ANXA4: variants seen among roughly 807,000 people sequenced by gnomAD.
The protein encoded by ANXA4 is 35-beta calcimedin.
Under a neutral mutation model 49.8 loss-of-function variants are expected in ANXA4, and 39 were observed. The ratio of observed to expected loss-of-function variants is 0.78; its 90% CI spans 0.61 to 1.02. The LOEUF is 1.02. ANXA4 is among the 50% of genes least tolerant of loss of function. The probability of loss-of-function intolerance (pLI) is 0.00; values close to 1 mark genes in which losing one functional copy is unlikely to be tolerated. For synonymous variants in ANXA4, 134 were observed against 152.5 expected, an observed-to-expected ratio of 0.88 and a Z score of 0.89; for missense variants, 360 against 410.1, an observed-to-expected ratio of 0.88 and a Z score of 1.05.
At chr2:69,696,611 G>A (rs59975240) in intron 2 of ANXA4, among the ~76,000 whole-genome samples, 253 of 152,296 alleles carry the variant, frequency 1.7e-3, no homozygotes, top group African/African-American at 6.0e-3. Context: ...AGATCCATCA[G>A]AGGAATCACT....
At chr2:69,665,461 TAAC>T (rs1397701396) in intron 2 of ANXA4, among the ~76,000 whole-genome samples, 2 of 152,108 alleles carry the variant, frequency 1.3e-5, no homozygotes, top group African/African-American at 2.4e-5. Flanking sequence ...TCATGAGAGA[TAAC>T]AACAATAAAT....
rs746269236 is a variant in ANXA4 at position 69,662,992 on chromosome 2, C to CTTTTTTT, written n.766+9722_766+9728dup. ...ACCAGATGTCCTGGTTTTTCTTTTT[C>CTTTTTTT]TTTTTTTTTTTTTTTTTTGAGATGG... On this transcript the variant is annotated intron_variant and non_coding_transcript_variant, in intron 2 of 3. Transcript: ENST00000418066. Among the ~76,000 whole-genome samples the CTTTTTTT allele has an allele frequency of 1.6e-3, 198 of 123,132 alleles. 1 individual carries two copies. Among genetic ancestry groups the CTTTTTTT allele is most frequent in the Non-Finnish European group, 2.3e-3 (138 of 59,810 alleles). 80.8% of individuals were successfully genotyped at this position (123,132 alleles called of 152,430 possible).
intron 2 of ANXA4, among the ~76,000 whole-genome samples, chr2:69,711,916 TG>T (rs553767258): frequency 9.9e-5 from 15 of 151,228 alleles, no homozygotes; most frequent in African/African-American, 2.7e-4. Context: ...TGGGGCATGA[TG>T]GGGGGGTCTC....
At chr2:69,773,297 T>C (rs771745579) in intron 1 of ANXA4, among the ~76,000 whole-genome samples, 3 of 152,216 alleles carry the variant, frequency 2.0e-5, no homozygotes, top group Non-Finnish European at 4.4e-5. Flanking sequence ...AATGTTCATA[T>C]TAAAGCTTGC....
upstream of ANXA4, among the ~76,000 whole-genome samples, chr2:69,739,169 T>C (rs1670318520): frequency 6.6e-6 from 1 of 152,138 alleles, no homozygotes; most frequent in South Asian, 2.1e-4. Flanking sequence ...GGGTTTAGTC[T>C]CACCTACACA....
intron 2 of ANXA4, among the ~76,000 whole-genome samples, chr2:69,686,597 C>T (rs566082922): frequency 2.1e-4 from 32 of 152,270 alleles, no homozygotes; most frequent in Admixed American, 5.2e-4. Context: ...AGACCACAGA[C>T]GTGCCCCACC....
chr2:69,767,959 T>C (rs911246232), intron 1 of ANXA4, among the ~76,000 whole-genome samples: 1 of 151,972 alleles, frequency 6.6e-6, no homozygotes, highest in Non-Finnish European at 1.5e-5. Context: ...ATGCATATTA[T>C]GTAAATATAT....
chr2:69,819,432 T>C, intron 11 of ANXA4, 94 bp downstream of exon 11: 1 of 877,924 alleles, frequency 1.1e-6, no homozygotes, highest in Non-Finnish European at 1.8e-6. Context: ...AACTTTGCTC[T>C]GAAAGATCCA....
intron 1 of ANXA4, among the ~76,000 whole-genome samples, chr2:69,778,578 C>G (rs989655165): frequency 1.3e-5 from 2 of 152,066 alleles, no homozygotes; most frequent in African/African-American, 4.8e-5. Flanking sequence ...GAGTTCGAGA[C>G]CAGCCTGACC....
rs371410789 is a variant in ANXA4 at position 69,655,536 on chromosome 2, AG to A, written n.766+2256del. 2.4e-4 allele frequency among the ~76,000 whole-genome samples: 37 copies of A among 152,322 alleles called. No individual in the cohort carries two copies. In the East Asian group the frequency reaches 6.4e-3, roughly 26 times the overall value. On this transcript the variant is annotated intron_variant and non_coding_transcript_variant, in intron 2 of 3. Transcript: ENST00000418066. Reference sequence around the variant, plus strand: ...TAAAAAGTCAGGAAACAACAGATGCAGGAGAGGATGTGGAGAAAGAGCAACG... The same window carrying A: ...TAAAAAGTCAGGAAACAACAGATGCAGAGAGGATGTGGAGAAAGAGCAACG...
intron 1 of ANXA4, among the ~76,000 whole-genome samples, chr2:69,779,897 A>AG (rs1672125297): frequency 6.6e-6 from 1 of 152,198 alleles, no homozygotes; most frequent in Non-Finnish European, 1.5e-5. Flanking sequence ...GGTGTGTCCC[A>AG]GGACTAGTTG....
At chr2:69,745,330 G>A (rs1670567676) in intron 1 of ANXA4, among the ~76,000 whole-genome samples, 1 of 152,148 alleles carries the variant, frequency 6.6e-6, no homozygotes, top group Admixed American at 6.5e-5. Flanking sequence ...AGTTTAGGCA[G>A]AGGTTCACAG....
intron 1 of ANXA4, among the ~76,000 whole-genome samples, chr2:69,763,224 G>A (rs915577076): frequency 1.3e-5 from 2 of 152,176 alleles, no homozygotes; most frequent in African/African-American, 2.4e-5. Context: ...TGATCCAAGG[G>A]GAGGAGGAGT....
chr2:69,804,270 G>A (rs1673341525), intron 3 of ANXA4, among the ~76,000 whole-genome samples: 1 of 151,922 alleles, frequency 6.6e-6, no homozygotes, highest in Non-Finnish European at 1.5e-5. Flanking sequence ...GGAAATCACT[G>A]TCATCATTCA....
chr2:69,755,685 G>T (rs1041924046), intron 1 of ANXA4, among the ~76,000 whole-genome samples: 3 of 152,142 alleles, frequency 2.0e-5, no homozygotes, highest in Non-Finnish European at 2.9e-5. Context: ...AATAAATCTT[G>T]CTTTTGTTAT....
intron 1 of ANXA4, among the ~76,000 whole-genome samples, chr2:69,744,386 A>G (rs746351020): frequency 5.3e-5 from 8 of 152,226 alleles, no homozygotes; most frequent in Non-Finnish European, 1.2e-4. Flanking sequence ...ATTTGAAATT[A>G]AAAAACACTT....
At chr2:69,654,193 A>G (rs1307612720) in intron 2 of ANXA4, among the ~76,000 whole-genome samples, 3 of 152,146 alleles carry the variant, frequency 2.0e-5, no homozygotes, top group Non-Finnish European at 4.4e-5. Flanking sequence ...GGCTGAGACA[A>G]TGGGGTTTTC....
chr2:69,693,311 G>A (rs1382933031), intron 2 of ANXA4, among the ~76,000 whole-genome samples: 1 of 152,136 alleles, frequency 6.6e-6, no homozygotes, highest in Non-Finnish European at 1.5e-5. Flanking sequence ...GGGGAGGAAA[G>A]TGGATGGAAG....
At chr2:69,668,133 G>T (rs547078076) in intron 2 of ANXA4, among the ~76,000 whole-genome samples, 3 of 151,910 alleles carry the variant, frequency 2.0e-5, no homozygotes, top group Non-Finnish European at 4.4e-5. Context: ...TTTAATTGGG[G>T]CCATTAATAC....
Sources: gnomAD v4.1 joint callset for allele counts (sites outside exome capture counted in the v4.1 genomes callset) on GRCh38, gnomAD v4.1.1 for gene constraint, MANE v1.5 for transcripts, NCBI Gene and HGNC (gene_info 2026-07-23, HGNC 2026-07-21) for gene names.